SHC3: variants seen among roughly 807,000 people sequenced by gnomAD.
SHC3 encodes SHC adaptor protein 3.
A neutral mutation model predicts 60.4 loss-of-function variants in SHC3; 15 were observed. The ratio of observed to expected loss-of-function variants is 0.25; its 90% CI spans 0.17 to 0.38. SHC3 has a LOEUF of 0.38. SHC3 is among the 10% of genes least tolerant of loss of function. SHC3 has a pLI of 1.00. For synonymous variants in SHC3, 294 were observed against 325.9 expected (o/e 0.90, Z 1.05); for missense variants, 677 against 786.1 (o/e 0.86, Z 1.66).
intron 11 of SHC3, among the ~76,000 whole-genome samples, chr9:89,016,954 C>A (rs1368582048): frequency 6.6e-6 from 1 of 152,038 alleles, no homozygotes; most frequent in East Asian, 1.9e-4. Flanking sequence ...CAAAATCCAA[C>A]AAATCTTACC....
At position 89,178,048 on chromosome 9, in the gene SHC3, G is replaced by A. The variant is rs995289747; in HGVS notation, c.413C>T (p.Pro138Leu). 8.2e-7 allele frequency: 1 copy of A among 1,226,746 alleles called. No homozygotes were observed. Among genetic ancestry groups the A allele is most frequent in the African/African-American group, 1.6e-5 (1 of 63,890 alleles). The allele number at this position is 1,226,746 out of a possible 1,614,324, so 76.0% of individuals were successfully genotyped here. A position where few individuals can be genotyped will look rare whatever the true frequency, so the allele number is the denominator to read the frequency against. Reference protein sequence around the residue: ...RPGDEPLPRPPRGAPHASDQV... With the variant: ...RPGDEPLPRPLRGAPHASDQV... ...GTCGCTGGCGTGCGGCGCCCCCCGA[G>A]GGGGCCTGGGCAGCGGCTCGTCGCC... is the stretch of plus-strand genomic sequence containing the variant. Residue 138 changes from proline (P) to leucine (L), a missense_variant, in exon 1 of 12, where the codon CCT becomes CTT. Physicochemically the swap from Pro to Leu is moderately conservative, Grantham distance 98 (BLOSUM62 -3). Coordinates refer to ENST00000375835, the MANE Select transcript of SHC3 (RefSeq NM_016848.6). This position sits in a 1 kb window ranked among gnomAD's most constrained non-coding sequence, Gnocchi z 6.9.
At chr9:89,027,499 GT>G (rs529852695) in intron 11 of SHC3, among the ~76,000 whole-genome samples, 211 of 152,030 alleles carry the variant, frequency 1.4e-3, no homozygotes, top group African/African-American at 4.9e-3. Context: ...TGTATTTTTA[GT>G]AGAAACGGGG....
At chr9:89,136,994 C>A (rs554327387) in intron 1 of SHC3, among the ~76,000 whole-genome samples, 4 of 152,202 alleles carry the variant, frequency 2.6e-5, no homozygotes, top group East Asian at 1.9e-4. Context: ...ACAGGGGAAG[C>A]AGGCACATCT....
intron 1 of SHC3, among the ~76,000 whole-genome samples, chr9:89,126,080 T>C (rs1465300787): frequency 1.3e-5 from 2 of 152,156 alleles, no homozygotes; most frequent in Admixed American, 6.5e-5. Context: ...CTGCGAACCA[T>C]GGAAGAGACT....
intron 2 of SHC3, among the ~76,000 whole-genome samples, chr9:89,081,862 G>A (rs968244141): frequency 2.0e-5 from 3 of 152,108 alleles, no homozygotes; most frequent in East Asian, 1.9e-4. Context: ...AGGTGGCCAC[G>A]GAAGAAAGTG....
At chr9:89,092,634 A>T (rs1184953048) in intron 2 of SHC3, among the ~76,000 whole-genome samples, 8 of 151,726 alleles carry the variant, frequency 5.3e-5, no homozygotes, top group African/African-American at 1.9e-4. Context: ...AAAAAAAAAA[A>T]AAAAATCAGG....
chr9:89,036,967 A>AAG lies in SHC3; in HGVS notation c.1656+1025_1656+1026insCT, dbSNP rs1390258547. ...TTCTCAGAAGTACATATATGTTAAA[A>AAG]AAAAAAAAAAAGAAGGTGGATTGGA... On this transcript the variant is annotated intron_variant, in intron 11 of 11. Coordinates refer to ENST00000375835, the MANE Select transcript of SHC3 (RefSeq NM_016848.6). 5.2e-3 allele frequency among the ~76,000 whole-genome samples: 793 copies of AAG among 151,772 alleles called. 8 individuals are homozygous for AAG. The highest frequency in any genetic ancestry group is 0.019 in the African/African-American group (765 of 41,312).
intron 11 of SHC3, among the ~76,000 whole-genome samples, chr9:89,034,982 C>T (rs563238617): frequency 2.6e-4 from 40 of 152,304 alleles, no homozygotes; most frequent in African/African-American, 9.4e-4. Flanking sequence ...TCTCAAGTAG[C>T]AGAACATGTT....
intron 1 of SHC3, among the ~76,000 whole-genome samples, chr9:89,133,191 C>T (rs1826272774): frequency 6.6e-6 from 1 of 152,146 alleles, no homozygotes; most frequent in Admixed American, 6.5e-5. Context: ...CAGAGAAATG[C>T]AAATCAAAAC....
At chr9:89,086,749 C>A (rs1049471357) in intron 2 of SHC3, among the ~76,000 whole-genome samples, 2 of 152,160 alleles carry the variant, frequency 1.3e-5, no homozygotes, top group African/African-American at 4.8e-5. Context: ...CACCAGTCAC[C>A]TCATTAGCAT....
intron 2 of SHC3, among the ~76,000 whole-genome samples, chr9:89,099,865 A>G (rs1292869969): frequency 1.3e-5 from 2 of 152,248 alleles, no homozygotes; most frequent in Non-Finnish European, 2.9e-5. Context: ...CCAATTTTGT[A>G]TCAATAAGCA....
intron 11 of SHC3, among the ~76,000 whole-genome samples, chr9:89,021,761 G>T (rs1011934925): frequency 3.9e-5 from 6 of 152,164 alleles, no homozygotes; most frequent in African/African-American, 4.8e-5. Flanking sequence ...GGCTACTTCC[G>T]CATTGCCTGT....
intron 11 of SHC3, among the ~76,000 whole-genome samples, chr9:89,028,361 T>A (rs1388677621): frequency 6.6e-6 from 1 of 151,660 alleles, no homozygotes; most frequent in Admixed American, 6.6e-5. Context: ...ATGCCAGACA[T>A]CTTAAAAACA....
intron 1 of SHC3, among the ~76,000 whole-genome samples, chr9:89,128,509 G>A (rs890437630): frequency 6.6e-6 from 1 of 152,170 alleles, no homozygotes; most frequent in Non-Finnish European, 1.5e-5. Context: ...AGTAGGGGCC[G>A]ACTGACACCT....
chr9:89,172,522 G>A (rs1826883586), intron 1 of SHC3, among the ~76,000 whole-genome samples: 1 of 150,768 alleles, frequency 6.6e-6, no homozygotes, highest in South Asian at 2.1e-4. Flanking sequence ...CACACACACA[G>A]ACACAGACAC....
At chr9:89,144,920 T>G (rs1826446597) in intron 1 of SHC3, among the ~76,000 whole-genome samples, 1 of 152,154 alleles carries the variant, frequency 6.6e-6, no homozygotes, top group African/African-American at 2.4e-5. Flanking sequence ...GATATATCCT[T>G]TCTTTAACAA....
At chr9:89,054,268 G>A (rs907867318) in intron 6 of SHC3, among the ~76,000 whole-genome samples, 16 of 152,160 alleles carry the variant, frequency 1.1e-4, no homozygotes, top group Non-Finnish European at 8.8e-5. Flanking sequence ...TACTCCAAGT[G>A]ACTAACTCGG....
At chr9:89,059,769 G>GTGGAGGACA (rs1250146481) in intron 6 of SHC3, among the ~76,000 whole-genome samples, 4 of 133,490 alleles carry the variant, frequency 3.0e-5, no homozygotes, top group Non-Finnish European at 4.9e-5. Flanking sequence ...GTGGAGGATG[G>GTGGAGGACA]TGGTGGAGGA....
At chr9:89,054,447 A>G (rs2297313) in intron 6 of SHC3, among the ~76,000 whole-genome samples, 64,823 of 151,852 alleles carry the variant, frequency 0.43, 15,640 homozygotes, top group East Asian at 0.98. Flanking sequence ...CCAGAAACTC[A>G]CTCCAAAACC....
Sources: gnomAD v4.1 joint callset for allele counts (sites outside exome capture counted in the v4.1 genomes callset) on GRCh38, gnomAD v4.1.1 for gene constraint, Gnocchi (gnomAD v3.1) non-coding constraint, MANE v1.5 for transcripts, NCBI Gene and HGNC (gene_info 2026-07-23, HGNC 2026-07-21) for gene names.